The following CHRNB3 variants were observed in gnomAD, a reference collection of about 807,000 sequenced individuals.
The protein encoded by CHRNB3 is neuronal acetylcholine receptor subunit beta-3.
In CHRNB3, 37 loss-of-function variants were observed where a neutral mutation model predicts 40.6. That is an observed-to-expected ratio of 0.91 (90% confidence interval 0.70 to 1.20). The LOEUF (loss-of-function observed/expected upper bound fraction) is 1.20, where lower values mean the gene tolerates loss of function less well. Ranked by LOEUF, CHRNB3 falls within the 50% of genes most tolerant of loss-of-function variation. The pLI is 0.00. For missense variants in CHRNB3, 505 were observed against 551.2 expected, an observed-to-expected ratio of 0.92 and a Z score of 0.84; for synonymous variants, 207 against 207.1, an observed-to-expected ratio of 1.00 and a Z score of 0.00.
chr8:42,724,824 CA>C (rs71231865), intron 3 of CHRNB3, among the ~76,000 whole-genome samples: 5,827 of 151,556 alleles, frequency 0.038, 164 homozygotes, highest in Non-Finnish European at 0.052. Context: ...ACTAAAAATA[CA>C]AAAAAAATTA....
Position 42,720,111 on chromosome 8 carries a change from CTTTTTTTTTTTTTTTT to C in CHRNB3, c.249+9696_249+9711del, listed in dbSNP as rs869178430. Among the ~76,000 whole-genome samples the C allele has an allele frequency of 1.7e-3, 84 of 48,820 alleles. 2 individuals are homozygous for C. The South Asian group carries it at 0.04, about 23-fold the overall frequency. The allele number at this position is 48,820 out of a possible 152,430, so 32.0% of individuals were successfully genotyped here. A position where few individuals can be genotyped will look rare whatever the true frequency, so the allele number is the denominator to read the frequency against. On this transcript the variant is annotated intron_variant, in intron 3 of 5. Transcript: ENST00000289957. Reference sequence around the variant, plus strand: ...CAACCCTGCCCCACTCAGAAGCCTTCTTTTTTTTTTTTTTTTTTTTTTTTTTTTTTTTTTGAGATGG... The same window carrying C: ...CAACCCTGCCCCACTCAGAAGCCTTCTTTTTTTTTTTTTTTTTTGAGATGG...
chr8:42,707,938 C>A (rs1378048658), intron 1 of CHRNB3, among the ~76,000 whole-genome samples: 1 of 152,208 alleles, frequency 6.6e-6, no homozygotes, highest in Non-Finnish European at 1.5e-5. Context: ...TTGCTCCCAT[C>A]GTCAGGGAGC....
intron 3 of CHRNB3, among the ~76,000 whole-genome samples, chr8:42,712,859 C>CTTTTTTT (rs567650103): frequency 5.2e-5 from 6 of 114,748 alleles, no homozygotes; most frequent in African/African-American, 6.2e-5. Flanking sequence ...CCACTGCTCT[C>CTTTTTTT]TTTTTTTTTT....
chr8:42,722,330 AC>A (rs1816232365), intron 3 of CHRNB3, among the ~76,000 whole-genome samples: 1 of 151,734 alleles, frequency 6.6e-6, no homozygotes, highest in African/African-American at 2.4e-5. Flanking sequence ...GCGCCACTGC[AC>A]TCCAGCCTGG....
chr8:42,713,623 C>A (rs1816055488), intron 3 of CHRNB3, among the ~76,000 whole-genome samples: 1 of 152,156 alleles, frequency 6.6e-6, no homozygotes, highest in African/African-American at 2.4e-5. Flanking sequence ...TATCTAAATA[C>A]TGATGTACAT....
intron 3 of CHRNB3, among the ~76,000 whole-genome samples, chr8:42,717,403 A>AAAAAAAAAAAACAAG (rs71221230): frequency 2.0e-5 from 1 of 50,908 alleles, no homozygotes; most frequent in Admixed American, 2.7e-4. Flanking sequence ...AAAAAAAAAA[A>AAAAAAAAAAAACAAG]AAGCCGACCT....
chr8:42,734,454 C>G (rs892733041), intron 5 of CHRNB3, among the ~76,000 whole-genome samples: 23 of 145,954 alleles, frequency 1.6e-4, no homozygotes, highest in Non-Finnish European at 2.7e-4. Context: ...GAGTCTCGCT[C>G]TGTCACCGAG....
In CHRNB3 at chr8:42,732,311, T is replaced by G. The variant is rs749331492; in HGVS notation, c.1004T>G (p.Val335Gly). 1.2e-6 allele frequency: 2 copies of G among 1,606,668 alleles called. No individual in the cohort carries two copies. Among genetic ancestry groups the G allele is most frequent in the Non-Finnish European group, 1.7e-6 (2 of 1,177,910 alleles). ...ACGTACCACCCCATGGCCCCCTGGG[T>G]TAAGAGGCTCTTTCTGCAGAAACTT... ...SSTYHPMAPW[V>G]KRLFLQKLPK... The change falls in exon 5 of 6, where the codon GTT (valine) becomes GGT (glycine). Residue 335 changes from valine (V) to glycine (G), a missense_variant. Val to Gly is a moderately radical substitution (Grantham distance 109, BLOSUM62 -3). Transcript: ENST00000289957.
chr8:42,701,226 CAAAA>C (rs58800727), intron 1 of CHRNB3, among the ~76,000 whole-genome samples: 7 of 71,476 alleles, frequency 9.8e-5, no homozygotes, highest in Admixed American at 6.0e-4. Context: ...GACTCTGTCT[CAAAA>C]AAAAAAAAAA....
chr8:42,730,850 C>T (rs940075412), intron 4 of CHRNB3, 147 bp downstream of exon 4: 1 of 394,098 alleles, frequency 2.5e-6, no homozygotes, highest in Non-Finnish European at 4.5e-6. Context: ...AGATCGAGAC[C>T]ATCCTGGCTA....
At chr8:42,733,142 C>T (rs1309672972) in intron 5 of CHRNB3, among the ~76,000 whole-genome samples, 1 of 151,548 alleles carries the variant, frequency 6.6e-6, no homozygotes, top group Non-Finnish European at 1.5e-5. Context: ...CCAGCCTGGA[C>T]AACATAGTGA....
intron 1 of CHRNB3, among the ~76,000 whole-genome samples, chr8:42,698,102 G>A (rs1586387876): frequency 6.6e-6 from 1 of 152,068 alleles, no homozygotes. Context: ...AAACACCAAT[G>A]TATCAAAACT....
intron 3 of CHRNB3, among the ~76,000 whole-genome samples, chr8:42,714,094 G>A (rs576313296): frequency 1.1e-4 from 17 of 152,308 alleles, no homozygotes; most frequent in African/African-American, 4.1e-4. Context: ...AGACAATGTT[G>A]GGGCAGAAAA....
At chr8:42,730,035 G>A (rs1816376990) in intron 3 of CHRNB3, among the ~76,000 whole-genome samples, 1 of 152,138 alleles carries the variant, frequency 6.6e-6, no homozygotes, top group South Asian at 2.1e-4. Flanking sequence ...AATAAATTCA[G>A]ATTAAAACTT....
intron 1 of CHRNB3, chr8:42,704,324 T>C (rs116872600): frequency 0.018 from 2,771 of 152,294 alleles, 34 homozygotes; most frequent in Non-Finnish European, 0.023. Context: ...ACAGCCAGTA[T>C]GGTTCATGCT....
intron 3 of CHRNB3, among the ~76,000 whole-genome samples, chr8:42,713,328 A>C (rs1336942042): frequency 6.6e-6 from 1 of 152,052 alleles, no homozygotes; most frequent in Non-Finnish European, 1.5e-5. Flanking sequence ...CAGCTTTGGA[A>C]AGGACTTCCC....
In CHRNB3 at chr8:42,727,436, G is replaced by A. The variant is rs140891767; in HGVS notation, c.250-3158G>A. On this transcript the variant is annotated intron_variant, in intron 3 of 5. Coordinates refer to ENST00000289957, the MANE Select transcript of CHRNB3 (RefSeq NM_000749.5). The stretch of plus-strand genomic sequence containing the variant: ...ATACACAGATCAGTGAAACAGAACA[G>A]TCCAGAATGGACCCATGCACATACA... 4.2e-3 allele frequency among the ~76,000 whole-genome samples: 633 copies of A among 150,742 alleles called. 2 individuals are homozygous for A. Among genetic ancestry groups the A allele is most frequent in the Non-Finnish European group, 6.2e-3 (418 of 67,786 alleles).
At chr8:42,715,976 C>CTTTTTTT (rs34401500) in intron 3 of CHRNB3, among the ~76,000 whole-genome samples, 1 of 124,176 alleles carries the variant, frequency 8.1e-6, no homozygotes, top group Non-Finnish European at 1.7e-5. Context: ...TTAAACTGAC[C>CTTTTTTT]TTTTTTTTTT....
chr8:42,724,854 C>T lies in CHRNB3; in HGVS notation c.250-5740C>T, dbSNP rs1224912819. Among the ~76,000 whole-genome samples, 4 of 151,782 alleles carry T rather than the reference C, an allele frequency of 2.6e-5. No individual in the cohort carries two copies. The South Asian group carries it at 6.2e-4, about 24-fold the overall frequency. ...AAAATTAGCTGGGCATGGTGGCAGG[C>T]GCCTGTAGTCCCAGCTACTTGGGAG... On this transcript the variant is annotated intron_variant, in intron 3 of 5. Transcript: ENST00000289957.
Sources: allele counts gnomAD v4.1 joint callset (sites outside exome capture counted in the v4.1 genomes callset), GRCh38; gene constraint gnomAD v4.1.1; transcripts MANE v1.5; gene names NCBI Gene and HGNC (gene_info 2026-07-23, HGNC 2026-07-21).